The following TTC28 variants were observed in gnomAD, a reference collection of about 807,000 sequenced individuals.
TTC28 encodes tetratricopeptide repeat domain 28.
Under a neutral mutation model 198.0 loss-of-function variants are expected in TTC28, and 61 were observed. That is an observed-to-expected ratio of 0.31 (90% CI 0.25 to 0.38). TTC28 has a LOEUF of 0.38. Ranked by LOEUF, TTC28 falls within the 10% of genes least tolerant of loss-of-function variation. The pLI is 1.00. For synonymous variants in TTC28, 1,171 were observed against 1,297.8 expected (o/e 0.90, Z 2.10); for missense variants, 2,678 against 3,164.0 (o/e 0.85, Z 3.69).
intron 6 of TTC28, among the ~76,000 whole-genome samples, chr22:28,112,722 C>T (rs1022022026): frequency 2.6e-5 from 4 of 152,164 alleles, no homozygotes; most frequent in African/African-American, 7.2e-5. Flanking sequence ...GCAGATCCTC[C>T]TTCCCTTTCG....
At chr22:28,299,242 TAAA>T (rs60581127) in intron 3 of TTC28, among the ~76,000 whole-genome samples, 2 of 145,536 alleles carry the variant, frequency 1.4e-5, no homozygotes, top group Non-Finnish European at 3.0e-5. Context: ...TATGCACATG[TAAA>T]AAAAAAAAAC....
At chr22:28,368,373 CTG>C (rs2046280580) in intron 2 of TTC28, among the ~76,000 whole-genome samples, 1 of 151,986 alleles carries the variant, frequency 6.6e-6, no homozygotes, top group Admixed American at 6.6e-5. Flanking sequence ...CTTCAAAAAA[CTG>C]AGTATAGAAG....
chr22:28,436,811 T>C (rs1415445493), intron 2 of TTC28, among the ~76,000 whole-genome samples: 1 of 152,250 alleles, frequency 6.6e-6, no homozygotes, highest in South Asian at 2.1e-4. Context: ...AGAATTCTCA[T>C]GCCCAGGCAG....
chr22:28,326,868 A>G (rs954823992), intron 2 of TTC28, among the ~76,000 whole-genome samples: 3 of 152,102 alleles, frequency 2.0e-5, no homozygotes, highest in African/African-American at 7.2e-5. Context: ...AGATCAATCC[A>G]GGGTTGTGAG....
intron 3 of TTC28, among the ~76,000 whole-genome samples, chr22:28,306,119 G>T (rs2145808471): frequency 6.6e-6 from 1 of 152,230 alleles, no homozygotes; most frequent in Non-Finnish European, 1.5e-5. Flanking sequence ...GTCCATCTGA[G>T]ATTCAATTTC....
intron 1 of TTC28, among the ~76,000 whole-genome samples, chr22:28,676,285 T>A (rs1045745282): frequency 6.6e-6 from 1 of 152,202 alleles, no homozygotes; most frequent in Non-Finnish European, 1.5e-5. Context: ...AAGATTTCAT[T>A]CTGTGAAACC....
At chr22:28,099,796 G>A (rs1942089271) in intron 9 of TTC28, among the ~76,000 whole-genome samples, 1 of 152,244 alleles carries the variant, frequency 6.6e-6, no homozygotes, top group African/African-American at 2.4e-5. Context: ...AAGGATGGGA[G>A]TGAGAACAGG....
At chr22:28,283,658 C>CA (rs1056382384) in intron 5 of TTC28, among the ~76,000 whole-genome samples, 2 of 151,922 alleles carry the variant, frequency 1.3e-5, no homozygotes, top group Non-Finnish European at 1.5e-5. Flanking sequence ...TTCACAATCA[C>CA]AAAAAATGAA....
intron 2 of TTC28, among the ~76,000 whole-genome samples, chr22:28,433,867 G>A (rs2047474875): frequency 6.6e-6 from 1 of 152,172 alleles, no homozygotes; most frequent in South Asian, 2.1e-4. Flanking sequence ...AAACTATAGT[G>A]GCATTTAGCC....
intron 5 of TTC28, among the ~76,000 whole-genome samples, chr22:28,230,641 G>C (rs187051535): frequency 6.6e-6 from 1 of 152,336 alleles, no homozygotes; most frequent in Non-Finnish European, 1.5e-5. Flanking sequence ...AATACAGAGA[G>C]AGACTGGGGG....
chr22:28,059,146 G>C (rs1940410074), intron 12 of TTC28, among the ~76,000 whole-genome samples: 1 of 151,444 alleles, frequency 6.6e-6, no homozygotes, highest in African/African-American at 2.4e-5. Flanking sequence ...ACTTAATTTT[G>C]GGTTTACATG....
intron 5 of TTC28, among the ~76,000 whole-genome samples, chr22:28,282,465 A>G (rs2044602410): frequency 6.6e-6 from 1 of 152,204 alleles, no homozygotes. Flanking sequence ...TATGGCCACT[A>G]CTAGCCACAT....
intron 12 of TTC28, among the ~76,000 whole-genome samples, chr22:28,061,654 T>C (rs2146739200): frequency 6.6e-6 from 1 of 152,350 alleles, no homozygotes; most frequent in African/African-American, 2.4e-5. Context: ...GGTAGCTTGA[T>C]GCCTCCAGCT....
chr22:28,479,616 T>C (rs1214682166), intron 2 of TTC28, among the ~76,000 whole-genome samples: 2 of 152,184 alleles, frequency 1.3e-5, no homozygotes, highest in South Asian at 2.1e-4. Flanking sequence ...TGATTAATCA[T>C]AATTAATTAA....
chr22:28,210,543 TG>T (rs1266056203), intron 5 of TTC28, among the ~76,000 whole-genome samples: 1 of 151,984 alleles, frequency 6.6e-6, no homozygotes, highest in Non-Finnish European at 1.5e-5. Flanking sequence ...GTATCAGTGA[TG>T]GAAGAGCAAA....
chr22:28,609,473 C>T (rs1258385957), intron 2 of TTC28, among the ~76,000 whole-genome samples: 1 of 152,166 alleles, frequency 6.6e-6, no homozygotes, highest in Admixed American at 6.5e-5. Flanking sequence ...CCGGGAAGCA[C>T]AAGGGGTCGG....
rs1476767261 is a variant in TTC28, at chr22:27,982,422, C to A, written c.7245G>T (p.Glu2415Asp). Residue 2415 changes from glutamate (E) to aspartate (D), a missense_variant, in exon 23 of 23, where the codon GAG becomes GAT. Physicochemically the swap from Glu to Asp is conservative, Grantham distance 45. This residue lies in a region of TTC28 where 622 missense variants were observed against 656.0 expected (regional missense o/e 0.95). Coordinates refer to ENST00000397906, the MANE Select transcript of TTC28 (RefSeq NM_001145418.2). The surrounding 1 kb of genome is among the most constrained non-coding windows in gnomAD (Gnocchi z 5.2). ...EEGVDKLELK[E>D]LSLQQHDGAP... The stretch of plus-strand genomic sequence containing the variant: ...CTCCGTCATGCTGCTGCAGGGACAG[C>A]TCCTTCAGTTCAAGCTTATCCACTC... The A allele has an allele frequency of 5.8e-6, 9 of 1,551,456 alleles. No homozygotes were observed. In the South Asian group the frequency reaches 1.1e-4, roughly 18 times the overall value.
At chr22:28,425,595 C>G (rs997575288) in intron 2 of TTC28, among the ~76,000 whole-genome samples, 6 of 152,152 alleles carry the variant, frequency 3.9e-5, no homozygotes, top group African/African-American at 1.4e-4. Flanking sequence ...CATGTTGAAT[C>G]AATAAACCAA....
intron 14 of TTC28, among the ~76,000 whole-genome samples, chr22:28,011,541 A>G (rs1938166777): frequency 6.6e-6 from 1 of 152,166 alleles, no homozygotes; most frequent in Admixed American, 6.5e-5. Context: ...GGCTGCAGTG[A>G]GCTATGATCA....
Sources: allele counts gnomAD v4.1 joint callset (sites outside exome capture counted in the v4.1 genomes callset), GRCh38; gene constraint gnomAD v4.1.1; regional missense constraint gnomAD v4.1.1; non-coding constraint Gnocchi (gnomAD v3.1); transcripts MANE v1.5; gene names NCBI Gene and HGNC (gene_info 2026-07-23, HGNC 2026-07-21).